The following DCHS2 variants were observed in gnomAD, a reference collection of about 807,000 sequenced individuals.
DCHS2 encodes the protein protocadherin-23.
In DCHS2, 142 loss-of-function variants were observed where a neutral mutation model predicts 182.4. That is an observed-to-expected ratio of 0.78 (90% confidence interval 0.68 to 0.89). The LOEUF (loss-of-function observed/expected upper bound fraction) is 0.89. DCHS2 is among the 40% of genes least tolerant of loss of function. DCHS2 has a pLI of 0.00. For missense variants in DCHS2, 4,319 were observed against 4,198.6 expected (o/e 1.03, Z -0.79); for synonymous variants, 1,740 against 1,663.3 (o/e 1.05, Z -1.12).
intron 1 of DCHS2, among the ~76,000 whole-genome samples, chr4:154,471,767 C>A (rs1579114372): frequency 6.6e-6 from 1 of 152,058 alleles, no homozygotes; most frequent in Admixed American, 6.5e-5. Context: ...TTGAACTTTT[C>A]CCTGGAAGAG....
At chr4:154,451,255 T>C (rs1734521828) in intron 1 of DCHS2, among the ~76,000 whole-genome samples, 1 of 152,148 alleles carries the variant, frequency 6.6e-6, no homozygotes, top group Non-Finnish European at 1.5e-5. Flanking sequence ...CCCTTAGGAT[T>C]TTAGAGCAAA....
intron 7 of DCHS2, 177 bp from the exon 8 acceptor site, chr4:154,322,665 T>C: frequency 1.2e-6 from 1 of 815,346 alleles, no homozygotes; most frequent in Non-Finnish European, 1.8e-6. Context: ...AAAATTTTTA[T>C]TATGGAAAAT....
chr4:154,285,100 C>A (rs1181278085), intron 13 of DCHS2, among the ~76,000 whole-genome samples: 1 of 151,980 alleles, frequency 6.6e-6, no homozygotes, highest in Non-Finnish European at 1.5e-5. Flanking sequence ...CCCTAGCTCC[C>A]AGACAACATT....
chr4:154,476,052 A>G (rs544787383), intron 1 of DCHS2, among the ~76,000 whole-genome samples: 3 of 152,186 alleles, frequency 2.0e-5, no homozygotes, highest in South Asian at 2.1e-4. Context: ...AAGAGGAAAT[A>G]TATCTACTAT....
intron 1 of DCHS2, among the ~76,000 whole-genome samples, chr4:154,425,905 T>C (rs1384968120): frequency 6.6e-6 from 1 of 152,220 alleles, no homozygotes; most frequent in Non-Finnish European, 1.5e-5. Flanking sequence ...AGTATCACAC[T>C]CAATTTTACT....
intron 2 of DCHS2, among the ~76,000 whole-genome samples, chr4:154,375,902 T>C (rs2110801729): frequency 6.6e-6 from 1 of 152,276 alleles, no homozygotes; most frequent in African/African-American, 2.4e-5. Context: ...CCAATGAGAA[T>C]GAGTGAACTA....
At chr4:154,354,524 C>T (rs1160297614) in intron 3 of DCHS2, among the ~76,000 whole-genome samples, 1 of 152,204 alleles carries the variant, frequency 6.6e-6, no homozygotes, top group Non-Finnish European at 1.5e-5. Context: ...CTCTGTATTG[C>T]TGTCTCTTTA....
chr4:154,456,916 T>C (rs1265286634), intron 1 of DCHS2, among the ~76,000 whole-genome samples: 2 of 152,164 alleles, frequency 1.3e-5, no homozygotes, highest in African/African-American at 4.8e-5. Flanking sequence ...GTTGTGATTT[T>C]TTCCACTAAT....
At chr4:154,425,058 T>A (rs1438244496) in intron 1 of DCHS2, among the ~76,000 whole-genome samples, 1 of 152,160 alleles carries the variant, frequency 6.6e-6, no homozygotes, top group East Asian at 1.9e-4. Flanking sequence ...CAGCAGCAGA[T>A]AAACAGGATC....
intron 17 of DCHS2, among the ~76,000 whole-genome samples, chr4:154,241,538 C>A (rs1258346139): frequency 6.6e-6 from 1 of 152,110 alleles, no homozygotes; most frequent in Admixed American, 6.6e-5. Flanking sequence ...TTTAATCTTA[C>A]AGATATGGTA....
At chr4:154,258,793 T>C (rs1316228579) in intron 15 of DCHS2, among the ~76,000 whole-genome samples, 1 of 151,600 alleles carries the variant, frequency 6.6e-6, no homozygotes, top group African/African-American at 2.4e-5. Context: ...GAAAAAGGGG[T>C]GTAATAAGCA....
intron 14 of DCHS2, among the ~76,000 whole-genome samples, chr4:154,267,202 A>G (rs556411981): frequency 2.0e-5 from 3 of 152,252 alleles, no homozygotes; most frequent in Admixed American, 6.5e-5. Flanking sequence ...GCATCAATCA[A>G]TTAGTGGCTG....
intron 13 of DCHS2, among the ~76,000 whole-genome samples, chr4:154,276,941 A>ATATT (rs1192150799): frequency 1.3e-5 from 2 of 152,176 alleles, no homozygotes; most frequent in African/African-American, 4.8e-5. Flanking sequence ...TATTATGAAA[A>ATATT]TATTATGAAA....
intron 1 of DCHS2, among the ~76,000 whole-genome samples, chr4:154,402,205 T>C (rs1236519786): frequency 1.3e-5 from 2 of 152,178 alleles, no homozygotes; most frequent in African/African-American, 2.4e-5. Flanking sequence ...TGTGAGGATA[T>C]CTTTCTGCAC....
At chr4:154,247,124 GGAT>G (rs1360545313) in intron 16 of DCHS2, among the ~76,000 whole-genome samples, 7 of 152,228 alleles carry the variant, frequency 4.6e-5, no homozygotes, top group Non-Finnish European at 8.8e-5. Flanking sequence ...AAAATACTAT[GGAT>G]GATAAGTATA....
intron 1 of DCHS2, among the ~76,000 whole-genome samples, chr4:154,478,435 G>T (rs183831499): frequency 1.2e-4 from 19 of 152,216 alleles, no homozygotes; most frequent in Admixed American, 6.5e-4. Flanking sequence ...TTTTTACAAG[G>T]GGTCCAAAAT....
intron 14 of DCHS2, among the ~76,000 whole-genome samples, chr4:154,264,308 T>A (rs183533904): frequency 9.9e-5 from 15 of 152,220 alleles, no homozygotes; most frequent in Admixed American, 5.9e-4. Context: ...AGGCTTCAGA[T>A]GCAGGAATTG....
intron 1 of DCHS2, among the ~76,000 whole-genome samples, chr4:154,380,289 GTTC>G (rs542976742): frequency 1.3e-5 from 2 of 152,168 alleles, no homozygotes; most frequent in South Asian, 4.1e-4. Context: ...ATATTTATAA[GTTC>G]TTCTCATCAC....
In DCHS2 at chr4:154,354,538, C is replaced by T. The variant is rs752244993; in HGVS notation, c.2476+11672G>A. Among the ~76,000 whole-genome samples the T allele has an allele frequency of 1.1e-4, 17 of 152,238 alleles. No individual in the cohort carries two copies. The South Asian group carries it at 1.2e-3, about 11-fold the overall frequency. ...GCTCTGTATTGCTGTCTCTTTAGTA[C>T]GACCCTCATTACTTTATGTATGGAT... On this transcript the variant is annotated intron_variant, in intron 3 of 19. Coordinates refer to ENST00000357232, the MANE Select transcript of DCHS2 (RefSeq NM_001358235.2).
Sources: gnomAD v4.1 joint callset for allele counts (sites outside exome capture counted in the v4.1 genomes callset) on GRCh38, gnomAD v4.1.1 for gene constraint, MANE v1.5 for transcripts, NCBI Gene and HGNC (gene_info 2026-07-23, HGNC 2026-07-21) for gene names.